KIF1A: variants seen among roughly 807,000 people sequenced by gnomAD.
The protein encoded by KIF1A is kinesin family member 1A, also known as kinesin-like protein KIF1A.
A neutral mutation model predicts 227.3 loss-of-function variants in KIF1A; 46 were observed. The observed-to-expected ratio is 0.20, with a 90% CI of 0.16 to 0.26. The LOEUF (loss-of-function observed/expected upper bound fraction) is 0.26, where lower values mean the gene tolerates loss of function less well. KIF1A is among the 10% of genes least tolerant of loss of function. The pLI is 1.00. For synonymous variants in KIF1A, 1,022 were observed against 1,012.8 expected (o/e 1.01, Z -0.17); for missense variants, 1,683 against 2,485.9 (o/e 0.68, Z 6.87).
rs201140044 is a variant in KIF1A, at chr2:240,771,079, G to C, written c.1233C>G (p.Ser411Arg). The C allele has an allele frequency of 1.2e-6, 2 of 1,613,464 alleles. No homozygotes were observed. The change falls in exon 15 of 49, where the codon AGC becomes AGG. Residue 411 changes from serine to arginine, a missense_variant. Transcript: ENST00000498729. ...PKLTNALVGM[S>R]PSSSLSALSS... Reference sequence around the variant, plus strand: ...ACAGGGCTGAGAGCGAGGATGAGGGGCTCATACCCACCAGGGCATTGGTCA... The same window carrying C: ...ACAGGGCTGAGAGCGAGGATGAGGGCCTCATACCCACCAGGGCATTGGTCA...
In KIF1A at chr2:240,792,307, G is replaced by A. The variant is rs1015896189; in HGVS notation, c.107-2995C>T. On this transcript the variant is annotated intron_variant, in intron 2 of 48. Transcript: ENST00000498729. The surrounding 1 kb of genome is among the most constrained non-coding windows in gnomAD (Gnocchi z 4.5). The stretch of plus-strand genomic sequence containing the variant: ...AATTTTTTCCTTGTGCAGGTTTGAG[G>A]AGGGAGGAGGGAGAAACAGGTCCTC... Among the ~76,000 whole-genome samples the A allele has an allele frequency of 2.0e-5, 3 of 152,008 alleles. No homozygotes were observed. Among genetic ancestry groups the A allele is most frequent in the Admixed American group, 2.0e-4 (3 of 15,274 alleles).
At chr2:240,738,747 G>A (rs2047635683) in intron 37 of KIF1A, among the ~76,000 whole-genome samples, 1 of 152,202 alleles carries the variant, frequency 6.6e-6, no homozygotes, top group Non-Finnish European at 1.5e-5. Flanking sequence ...AGAAGGTGGG[G>A]AGAAGGTGGA....
intron 17 of KIF1A, 148 bp from the exon 18 acceptor site, chr2:240,767,493 A>G: frequency 1.5e-6 from 1 of 654,946 alleles, no homozygotes; most frequent in Non-Finnish European, 2.7e-6. Flanking sequence ...TGGTCACTCC[A>G]AGCCAGGAAA....
At position 240,742,932 on chromosome 2, in the gene KIF1A, G is replaced by A; in HGVS notation, c.3637C>T (p.Pro1213Ser). Residue 1213 changes from proline to serine, a missense_variant, in exon 34 of 49, where the codon CCA becomes TCA. Pro to Ser is a moderately conservative substitution (Grantham distance 74). Transcript: ENST00000498729. ...HFPRVMPLSK[P>S]VPATKLSTLT... is the part of the protein sequence containing the mutation. ...CGGCTCCAGAGACCCTTCCTACCTG[G>A]CTTGGACAGTGGCATGACCCGAGGG... 6.2e-7 allele frequency: 1 copy of A among 1,611,242 alleles called. No homozygotes were observed. The highest frequency in any genetic ancestry group is 1.1e-5 in the South Asian group (1 of 90,328).
Position 240,739,918 on chromosome 2 carries a change from A to C in KIF1A, c.3901+140T>G. The C allele has an allele frequency of 1.5e-6, 1 of 652,626 alleles. No individual in the cohort carries two copies. The highest frequency in any genetic ancestry group is 1.8e-5 in the African/African-American group (1 of 55,584). The allele number at this position is 652,626 out of a possible 1,614,324, so 40.4% of individuals were successfully genotyped here. Reference sequence around the variant, plus strand: ...CTTTTCAGGTGAGGAAGTGAGTCACAGAGAGATTATGTGACCCGGCCAGGG... The same window carrying C: ...CTTTTCAGGTGAGGAAGTGAGTCACCGAGAGATTATGTGACCCGGCCAGGG... On this transcript the variant is annotated intron_variant, in intron 37 of 48. Coordinates refer to ENST00000498729, the MANE Select transcript of KIF1A (RefSeq NM_001244008.2). This position sits in a 1 kb window ranked among gnomAD's most constrained non-coding sequence, Gnocchi z 5.6.
chr2:240,816,798 A>G (rs2106371306), intron 1 of KIF1A, among the ~76,000 whole-genome samples: 1 of 152,316 alleles, frequency 6.6e-6, no homozygotes, highest in Middle Eastern at 3.4e-3. Context: ...AGGAGGCCAA[A>G]GCTGGCAGGA....
chr2:240,734,887 G>A (rs1035414092), intron 38 of KIF1A: 4 of 564,382 alleles, frequency 7.1e-6, no homozygotes, highest in African/African-American at 2.0e-5. Context: ...GCCTGGGAGC[G>A]GGCAGGAGGC....
upstream of KIF1A, among the ~76,000 whole-genome samples, chr2:240,820,797 G>A (rs1366688078): frequency 6.6e-6 from 1 of 151,406 alleles, no homozygotes; most frequent in South Asian, 2.1e-4. This position sits in a 1 kb window ranked among gnomAD's most constrained non-coding sequence, Gnocchi z 6.2. Flanking sequence ...CAGTGACCCA[G>A]GCCCTCCCCG....
rs531522772 is a variant in KIF1A at position 240,771,036 on chromosome 2, C to T, written c.1276G>A (p.Val426Met). The T allele has an allele frequency of 2.2e-5, 35 of 1,613,220 alleles. No individual in the cohort carries two copies. Among genetic ancestry groups the T allele is most frequent in the African/African-American group, 5.3e-5 (4 of 75,018 alleles). ...AAGATGCGCTCGTGGAGGCTGGACA[C>T]GGAGGCCGCGCGGCTGGACAGGGCT... is the stretch of plus-strand genomic sequence containing the variant. ...LSALSSRAAS[V>M]SSLHERILFA... Residue 426 changes from valine to methionine, a missense_variant, in exon 15 of 49, where the codon GTG becomes ATG. Coordinates refer to ENST00000498729, the MANE Select transcript of KIF1A (RefSeq NM_001244008.2).
chr2:240,728,367 G>T, intron 38 of KIF1A: 1 of 1,293,314 alleles, frequency 7.7e-7, no homozygotes, highest in Non-Finnish European at 1.0e-6. Context: ...AAGCAAGGGC[G>T]GAAGAGAAAA....
At chr2:240,820,523 C>A (rs891193106), upstream of KIF1A, among the ~76,000 whole-genome samples, 4 of 151,662 alleles carry the variant, frequency 2.6e-5, no homozygotes, top group African/African-American at 7.3e-5. This position sits in a 1 kb window ranked among gnomAD's most constrained non-coding sequence, Gnocchi z 6.2. Flanking sequence ...GGGAGGGACC[C>A]GGCGGCGCCC....
intron 40 of KIF1A, chr2:240,724,928 CGGCGGCGGGG>C: frequency 1.6e-5 from 1 of 61,030 alleles, no homozygotes; most frequent in African/African-American, 1.5e-4. Flanking sequence ...AGAAGGTCAC[CGGCGGCGGGG>C]GGGGGGGGGG....
Position 240,758,861 on chromosome 2 carries a change from C to A in KIF1A, c.2445-364G>T, listed in dbSNP as rs535576564. Among the ~76,000 whole-genome samples, 1 of 152,116 alleles carries A rather than the reference C, an allele frequency of 6.6e-6. No homozygotes were observed. Among genetic ancestry groups the A allele is most frequent in the Non-Finnish European group, 1.5e-5 (1 of 68,026 alleles). ...GTGAAGCTCAGAAACGGGGATCAGG[C>A]CACAGAGGCGCAAGAGCTCGAGGAA... On this transcript the variant is annotated intron_variant, in intron 25 of 48. Coordinates refer to ENST00000498729, the MANE Select transcript of KIF1A (RefSeq NM_001244008.2). The surrounding 1 kb of genome is among the most constrained non-coding windows in gnomAD (Gnocchi z 5.2).
At chr2:240,786,610 G>C in intron 5 of KIF1A, 97 bp from the exon 6 acceptor site, 1 of 1,119,734 alleles carries the variant, frequency 8.9e-7, no homozygotes, top group Non-Finnish European at 1.3e-6. Flanking sequence ...GTCAACATAA[G>C]GACCCCTGAG....
In KIF1A at chr2:240,757,671, T is replaced by TG. The variant is rs976154500; in HGVS notation, c.2583-78dup. 21 of 1,424,128 alleles carry TG rather than the reference T, an allele frequency of 1.5e-5. No individual in the cohort carries two copies. Among genetic ancestry groups the TG allele is most frequent in the African/African-American group, 2.9e-5 (2 of 69,444 alleles). 88.2% of individuals were successfully genotyped at this position (1,424,128 alleles called of 1,614,324 possible). A position where few individuals can be genotyped will look rare whatever the true frequency, so the allele number is the denominator to read the frequency against. Reference sequence around the variant, plus strand: ...GACGAACAGGGGCCGGGGCCGGGGCTGGGGGGCTTCTGTTTAAAACCAAAA... The same window carrying TG: ...GACGAACAGGGGCCGGGGCCGGGGCTGGGGGGGCTTCTGTTTAAAACCAAAA... On this transcript the variant is annotated intron_variant, in intron 26 of 48. Coordinates refer to ENST00000498729, the MANE Select transcript of KIF1A (RefSeq NM_001244008.2). This position sits in a 1 kb window ranked among gnomAD's most constrained non-coding sequence, Gnocchi z 6.2.
At chr2:240,770,870 T>G in intron 15 of KIF1A, 101 bp downstream of exon 15, 1 of 1,405,482 alleles carries the variant, frequency 7.1e-7, no homozygotes, top group Non-Finnish European at 9.7e-7. Flanking sequence ...AATGGCCCTA[T>G]GAGGATGGGC....
Position 240,793,981 on chromosome 2 carries a change from G to T in KIF1A, c.106+3666C>A, listed in dbSNP as rs2056069676. 6.6e-6 allele frequency among the ~76,000 whole-genome samples: 1 copy of T among 152,188 alleles called. No individual in the cohort carries two copies. The highest frequency in any genetic ancestry group is 1.5e-5 in the Non-Finnish European group (1 of 68,038). ...CAGCCACTCCCAATTCTATTGATCTGAGCTGCAGCTGAGAAGTCACCAGGG... is the reference window on the plus strand; with the variant it reads ...CAGCCACTCCCAATTCTATTGATCTTAGCTGCAGCTGAGAAGTCACCAGGG... On this transcript the variant is annotated intron_variant, in intron 2 of 48. Coordinates refer to ENST00000498729, the MANE Select transcript of KIF1A (RefSeq NM_001244008.2). This position sits in a 1 kb window ranked among gnomAD's most constrained non-coding sequence, Gnocchi z 4.8.
chr2:240,820,442 G>A (rs1394689640), upstream of KIF1A: 1 of 151,262 alleles, frequency 6.6e-6, no homozygotes, highest in African/African-American at 2.4e-5. The surrounding 1 kb of genome is among the most constrained non-coding windows in gnomAD (Gnocchi z 6.2). Flanking sequence ...CGGGCCCCGC[G>A]GAGGGTGGGG....
chr2:240,781,696 G>A (rs899698838), intron 10 of KIF1A: 6 of 918,052 alleles, frequency 6.5e-6, no homozygotes, highest in Non-Finnish European at 7.8e-6. Flanking sequence ...GCAGTCCCAC[G>A]CAGTGTCCTG....
Sources: gnomAD v4.1 joint callset for allele counts (sites outside exome capture counted in the v4.1 genomes callset) on GRCh38, gnomAD v4.1.1 for gene constraint, Gnocchi (gnomAD v3.1) non-coding constraint, MANE v1.5 for transcripts, NCBI Gene and HGNC (gene_info 2026-07-23, HGNC 2026-07-21) for gene names.